DDOST: variants seen among roughly 807,000 people sequenced by gnomAD.
DDOST encodes the protein dolichyl-diphosphooligosaccharide--protein glycosyltransferase 48 kDa subunit.
In DDOST, 25 loss-of-function variants were observed where a neutral mutation model predicts 47.6. The ratio of observed to expected loss-of-function variants is 0.53; its 90% CI spans 0.38 to 0.73. The LOEUF is 0.73. Ranked by LOEUF, DDOST falls within the 30% of genes least tolerant of loss-of-function variation. The pLI is 0.00. For synonymous variants in DDOST, 275 were observed against 236.0 expected (o/e 1.17, Z -1.51); for missense variants, 526 against 573.9 (o/e 0.92, Z 0.85).
chr1:20,660,966 C>A lies in DDOST; in HGVS notation c.180G>T (p.Lys60Asn). ...GAGACAGGCTGGGGTCATCAGCGGT[C>A]TTGAATGTGAGCTCAAAGCCCCGGT... Reference protein sequence around the residue: ...LKDRGFELTFKTADDPSLSLI... With the variant: ...LKDRGFELTFNTADDPSLSLI... The change falls in exon 2 of 11, where the codon AAG (lysine) becomes AAT (asparagine). Residue 60 changes from lysine (K) to asparagine (N), a missense_variant. Lys to Asn is a moderately conservative substitution (Grantham distance 94, BLOSUM62 0). Transcript: ENST00000602624. 6.2e-7 allele frequency: 1 copy of A among 1,613,824 alleles called. No individual in the cohort carries two copies. The highest frequency in any genetic ancestry group is 1.1e-5 in the South Asian group (1 of 91,068).
At chr1:20,653,304 T>C (rs1036998986) in intron 8 of DDOST, among the ~76,000 whole-genome samples, 6 of 152,234 alleles carry the variant, frequency 3.9e-5, no homozygotes, top group Non-Finnish European at 8.8e-5. Flanking sequence ...CATATTCGCT[T>C]TCTCTTGCCT....
chr1:20,653,018 C>A lies in DDOST; in HGVS notation c.943-47G>T, dbSNP rs534878707. 2.3e-4 allele frequency: 368 copies of A among 1,609,496 alleles called. 2 individuals are homozygous for A. The South Asian group carries it at 3.2e-3, about 14-fold the overall frequency. On this transcript the variant is annotated intron_variant, in intron 8 of 10. Coordinates refer to ENST00000602624, the MANE Select transcript of DDOST (RefSeq NM_005216.5). ...GCCAGGGCTGGCCATGACTGGAGGC[C>A]TTCCACCACCTGCAGGCAGAGCTGC... is the stretch of plus-strand genomic sequence containing the variant.
At chr1:20,654,891 G>A (rs1430431027) in intron 5 of DDOST, among the ~76,000 whole-genome samples, 184 bp from the exon 6 acceptor site, 4 of 152,072 alleles carry the variant, frequency 2.6e-5, no homozygotes, top group Admixed American at 2.6e-4. Context: ...GACAGACCTC[G>A]CTCTGCCACC....
At position 20,661,203 on chromosome 1, in the gene DDOST, G is replaced by A. The variant is rs143421115; in HGVS notation, c.148C>T (p.Leu50=). The A allele has an allele frequency of 7.9e-4, 1,279 of 1,613,768 alleles. No homozygotes were observed. The highest frequency in any genetic ancestry group is 1.3e-3 in the Admixed American group (79 of 60,018). Residue 50 remains leucine (L), a synonymous_variant, in exon 1 of 11, where the codon CTG becomes TTG. Transcript: ENST00000602624. ...CCTCGGACCCCGCTCTCACCCTTCA[G>A]GCTCCGGAAGAAAAGCGAATGAGTC... The part of the protein sequence containing the change: ...RETHSLFFRS[L]KDRGFELTFK...
At chr1:20,660,753 C>T in intron 2 of DDOST, 128 bp downstream of exon 2, 1 of 627,952 alleles carries the variant, frequency 1.6e-6, no homozygotes, top group Non-Finnish European at 2.9e-6. Context: ...TTCCTTATCT[C>T]CGTGGTAGCA....
Position 20,660,936 on chromosome 1 carries a change from T to A in DDOST, c.210A>T (p.Ile70=). The change falls in exon 2 of 11, where the codon ATA becomes ATT. Residue 70 remains isoleucine, a synonymous_variant. Transcript: ENST00000602624. ...TGTCATAGAGGAATTCCCCATACTT[T>A]ATGAGAGACAGGCTGGGGTCATCAG... ...KTADDPSLSL[I]KYGEFLYDNL... The A allele has an allele frequency of 6.2e-7, 1 of 1,613,860 alleles. No homozygotes were observed.
In DDOST at chr1:20,661,344, G is replaced by T; in HGVS notation, c.7C>A (p.Pro3Thr). Residue 3 changes from proline (P) to threonine (T), a missense_variant, in exon 1 of 11, where the codon CCC becomes ACC. By Grantham distance (38) the Pro-to-Thr change is conservative. Transcript: ENST00000602624. ...GCCCAAGCCCGGGCCGCGGTGCTGG[G>T]CTCCATCTTCCTCCTCCTGCCGAAG... ME[P>T]STAARAWALF... 1 of 1,613,126 alleles carries T rather than the reference G, an allele frequency of 6.2e-7. No individual in the cohort carries two copies. Among genetic ancestry groups the T allele is most frequent in the Non-Finnish European group, 8.5e-7 (1 of 1,179,886 alleles).
chr1:20,653,463 G>A (rs1271086857), intron 8 of DDOST, among the ~76,000 whole-genome samples, 164 bp downstream of exon 8: 6 of 152,120 alleles, frequency 3.9e-5, no homozygotes, highest in Admixed American at 2.0e-4. Flanking sequence ...CAGTTTTCAC[G>A]CCAGGCTCTG....
At chr1:20,654,847 A>C in intron 5 of DDOST, 140 bp from the exon 6 acceptor site, 1 of 635,624 alleles carries the variant, frequency 1.6e-6, no homozygotes. Context: ...TGATATAACA[A>C]TGGAGTCTGA....
At chr1:20,657,230 A>G (rs1285335648) in intron 2 of DDOST, among the ~76,000 whole-genome samples, 2 of 152,168 alleles carry the variant, frequency 1.3e-5, no homozygotes, top group Non-Finnish European at 2.9e-5. Flanking sequence ...GAGCAGCAGG[A>G]GGTAAGGCCG....
rs1455567102 is a variant in DDOST at position 20,654,280 on chromosome 1, A to AAGG, written c.736_737insCCT (p.Asp245_Phe246insSer). 1 of 1,552,080 alleles carries AAGG rather than the reference A, an allele frequency of 6.4e-7. No homozygotes were observed. The highest frequency in any genetic ancestry group is 8.7e-7 in the Non-Finnish European group (1 of 1,147,202). ...TGAGTTGAAGAAGGAGTCGCTGAAG[A>AAGG]AGTCGAGGGAGCCGCTGAAGATGAC... is the stretch of plus-strand genomic sequence containing the variant. On this transcript the variant is annotated inframe_insertion, in exon 7 of 11. Transcript: ENST00000602624.
chr1:20,660,994 G>C lies in DDOST; in HGVS notation c.155-3C>G. 2.5e-6 allele frequency: 4 copies of C among 1,608,656 alleles called. No individual in the cohort carries two copies. The highest frequency in any genetic ancestry group is 3.4e-6 in the Non-Finnish European group (4 of 1,175,264). On this transcript the variant is annotated splice_polypyrimidine_tract_variant and splice_region_variant and intron_variant, in intron 1 of 10. Transcript: ENST00000602624. Reference sequence around the variant, plus strand: ...GAATGTGAGCTCAAAGCCCCGGTCTGGACAAGAAAAAACAGGTAGTTGAGG... The same window carrying C: ...GAATGTGAGCTCAAAGCCCCGGTCTCGACAAGAAAAAACAGGTAGTTGAGG...
intron 2 of DDOST, among the ~76,000 whole-genome samples, 161 bp from the exon 3 acceptor site, chr1:20,656,348 G>C (rs1196710019): frequency 6.6e-6 from 1 of 152,204 alleles, no homozygotes; most frequent in Non-Finnish European, 1.5e-5. Context: ...CCACATCCCA[G>C]AACGGGCAAG....
At chr1:20,661,142 G>A in intron 1 of DDOST, 55 bp downstream of exon 1, 1 of 1,573,860 alleles carries the variant, frequency 6.4e-7, no homozygotes, top group Non-Finnish European at 8.7e-7. Context: ...CAATGCCCTC[G>A]ATGCTGTACC....
chr1:20,652,292 C>G lies in DDOST; in HGVS notation c.*87G>C. 1.4e-6 allele frequency: 2 copies of G among 1,383,764 alleles called. No individual in the cohort carries two copies. The highest frequency in any genetic ancestry group is 1.5e-5 in the South Asian group (1 of 66,362). The allele number at this position is 1,383,764 out of a possible 1,614,324, so 85.7% of individuals were successfully genotyped here. On this transcript the variant is annotated 3_prime_UTR_variant, in exon 11 of 11. Coordinates refer to ENST00000602624, the MANE Select transcript of DDOST (RefSeq NM_005216.5). ...GTAAAGTTGTGCCATTTTCCCACGG[C>G]TTTAAACAAAGCAAAACAAAACCAC...
intron 6 of DDOST, 51 bp from the exon 7 acceptor site, chr1:20,654,422 C>G (rs1188310826): frequency 6.5e-7 from 1 of 1,544,212 alleles, no homozygotes; most frequent in Admixed American, 2.0e-5. Context: ...AAGGGAAAAG[C>G]TGCCACGCCT....
Position 20,661,283 on chromosome 1 carries a change from A to C in DDOST, c.68T>G (p.Val23Gly), listed in dbSNP as rs756728875. 3.1e-6 allele frequency: 5 copies of C among 1,613,676 alleles called. No homozygotes were observed. Among genetic ancestry groups the C allele is most frequent in the Admixed American group, 1.7e-5 (1 of 60,000 alleles). ...TAAGGTGCGGGGTCCGCTGGCGCAA[A>C]CCGCGCCAAGCAAGGGCAGCAGCAA... ...FWLLLPLLGA[V>G]CASGPRTLVL... is the part of the protein sequence containing the mutation. The change falls in exon 1 of 11, where the codon GTT (valine) becomes GGT (glycine). Residue 23 changes from valine (V) to glycine (G), a missense_variant. By Grantham distance (109) the Val-to-Gly change is moderately radical (BLOSUM62 -3). Coordinates refer to ENST00000602624, the MANE Select transcript of DDOST (RefSeq NM_005216.5).
At chr1:20,657,696 GT>G (rs1305173238) in intron 2 of DDOST, among the ~76,000 whole-genome samples, 1 of 152,172 alleles carries the variant, frequency 6.6e-6, no homozygotes, top group South Asian at 2.1e-4. Flanking sequence ...TAAGAGCCCT[GT>G]TTTTTGAGGG....
At chr1:20,653,076 T>TG (rs1270168846) in intron 8 of DDOST, 105 bp from the exon 9 acceptor site, 1 of 1,467,168 alleles carries the variant, frequency 6.8e-7, no homozygotes, top group Non-Finnish European at 9.4e-7. Context: ...ATGGCAGGAA[T>TG]GCCCAGGAGT....
Sources: allele counts gnomAD v4.1 joint callset (sites outside exome capture counted in the v4.1 genomes callset), GRCh38; gene constraint gnomAD v4.1.1; transcripts MANE v1.5; gene names NCBI Gene and HGNC (gene_info 2026-07-23, HGNC 2026-07-21).